The following C1orf21 variants were observed in gnomAD, a reference collection of about 807,000 sequenced individuals.
C1orf21 encodes chromosome 1 open reading frame 21.
In C1orf21, 3 loss-of-function variants were observed where a neutral mutation model predicts 18.7. The ratio of observed to expected loss-of-function variants is 0.16; its 90% CI spans 0.07 to 0.42. C1orf21 has a LOEUF of 0.42. C1orf21 is among the 10% of genes least tolerant of loss of function. The pLI is 0.99. For missense variants in C1orf21, 104 were observed against 143.6 expected, an observed-to-expected ratio of 0.72 and a Z score of 1.41; for synonymous variants, 41 against 46.4, an observed-to-expected ratio of 0.88 and a Z score of 0.47.
chr1:184,402,618 A>C (rs1325604669), intron 1 of C1orf21, among the ~76,000 whole-genome samples: 1 of 146,346 alleles, frequency 6.8e-6, no homozygotes, highest in East Asian at 2.0e-4. Context: ...CCCTGTCTCA[A>C]AAAAAAAAAA....
At chr1:184,459,855 C>CA (rs1657274705) in intron 1 of C1orf21, among the ~76,000 whole-genome samples, 1 of 152,150 alleles carries the variant, frequency 6.6e-6, no homozygotes, top group African/African-American at 2.4e-5. Context: ...GCAGACCTAG[C>CA]AGGGAGGGCA....
intron 3 of C1orf21, among the ~76,000 whole-genome samples, chr1:184,581,429 C>CA (rs35666369): frequency 0.22 from 28,733 of 129,400 alleles, 2,914 homozygotes; most frequent in East Asian, 0.33. Context: ...GACCCTGTCT[C>CA]AAAAAAAAAA....
intron 1 of C1orf21, among the ~76,000 whole-genome samples, chr1:184,453,263 C>T (rs1657150112): frequency 6.6e-6 from 1 of 152,152 alleles, no homozygotes; most frequent in African/African-American, 2.4e-5. Context: ...GCTGACTTTG[C>T]CTTCAGATAT....
chr1:184,481,806 G>A (rs1022850097), intron 2 of C1orf21, among the ~76,000 whole-genome samples: 2 of 152,166 alleles, frequency 1.3e-5, no homozygotes, highest in Admixed American at 1.3e-4. Flanking sequence ...CCAATCAAGG[G>A]AGATACTTTT....
chr1:184,555,930 T>G (rs185839326), intron 3 of C1orf21, among the ~76,000 whole-genome samples: 3 of 152,210 alleles, frequency 2.0e-5, no homozygotes, highest in Non-Finnish European at 4.4e-5. Flanking sequence ...GAGATCTCAC[T>G]GTAGCCACAG....
chr1:184,566,673 G>A, intron 3 of C1orf21: 1 of 391,186 alleles, frequency 2.6e-6, no homozygotes, highest in Middle Eastern at 4.0e-4. Context: ...TTTCACCCAT[G>A]TGGTAGCCAA....
intron 2 of C1orf21, among the ~76,000 whole-genome samples, chr1:184,505,338 T>TATATATATATAC (rs1180194816): frequency 7.5e-6 from 1 of 133,654 alleles, no homozygotes; most frequent in African/African-American, 3.2e-5. Flanking sequence ...TATATATATA[T>TATATATATATAC]ATACACACAT....
intron 3 of C1orf21, chr1:184,566,878 A>T: frequency 2.0e-6 from 1 of 495,964 alleles, no homozygotes; most frequent in Non-Finnish European, 4.1e-6. Context: ...CAACAGCTGC[A>T]CCCAAATCTG....
chr1:184,536,324 G>C (rs555550701), intron 3 of C1orf21, among the ~76,000 whole-genome samples: 3 of 152,198 alleles, frequency 2.0e-5, no homozygotes, highest in Non-Finnish European at 4.4e-5. Flanking sequence ...TTGCTATCTT[G>C]TTGCTCCACT....
At chr1:184,511,340 T>C (rs1233339511) in intron 3 of C1orf21, among the ~76,000 whole-genome samples, 1 of 152,146 alleles carries the variant, frequency 6.6e-6, no homozygotes, top group Non-Finnish European at 1.5e-5. Context: ...TAAACCCCCC[T>C]TGGGAACCCG....
intron 3 of C1orf21, among the ~76,000 whole-genome samples, chr1:184,519,972 T>C (rs1397817140): frequency 6.6e-6 from 1 of 152,200 alleles, no homozygotes; most frequent in Non-Finnish European, 1.5e-5. Context: ...AAATAAATAA[T>C]GAGGCATAAA....
chr1:184,395,277 G>A (rs1656034534), intron 1 of C1orf21, among the ~76,000 whole-genome samples: 1 of 152,070 alleles, frequency 6.6e-6, no homozygotes, highest in Non-Finnish European at 1.5e-5. Flanking sequence ...AGTAGTTATT[G>A]ATTGATTGAC....
chr1:184,558,757 C>T (rs561519324), intron 3 of C1orf21, among the ~76,000 whole-genome samples: 48 of 152,176 alleles, frequency 3.2e-4, no homozygotes, highest in Non-Finnish European at 5.9e-4. Flanking sequence ...GTAGCAATAG[C>T]AATAATAGCA....
chr1:184,533,669 G>A (rs1202025542), intron 3 of C1orf21, among the ~76,000 whole-genome samples: 4 of 152,136 alleles, frequency 2.6e-5, no homozygotes, highest in Non-Finnish European at 5.9e-5. Flanking sequence ...GAAGTGACTA[G>A]TTCTGTATAC....
At chr1:184,432,953 A>G (rs1409777561) in intron 1 of C1orf21, among the ~76,000 whole-genome samples, 2 of 152,240 alleles carry the variant, frequency 1.3e-5, no homozygotes, top group Non-Finnish European at 2.9e-5. Flanking sequence ...CCTCAGTCAC[A>G]TAATTTTTGA....
chr1:184,418,722 C>T (rs918673195), intron 1 of C1orf21, among the ~76,000 whole-genome samples: 4 of 152,112 alleles, frequency 2.6e-5, no homozygotes, highest in African/African-American at 9.7e-5. Context: ...TGTCAATATC[C>T]TCAGGCACTA....
intron 1 of C1orf21, among the ~76,000 whole-genome samples, chr1:184,468,972 T>A (rs1198092683): frequency 6.6e-6 from 1 of 151,936 alleles, no homozygotes; most frequent in Non-Finnish European, 1.5e-5. Context: ...TGGTGGCTCA[T>A]GCCTGTAGTC....
chr1:184,419,906 G>T (rs1378574440), intron 1 of C1orf21, among the ~76,000 whole-genome samples: 1 of 152,162 alleles, frequency 6.6e-6, no homozygotes, highest in Non-Finnish European at 1.5e-5. Context: ...GCCACTGAGG[G>T]CTTTGGTTTT....
intron 3 of C1orf21, among the ~76,000 whole-genome samples, chr1:184,563,050 A>T (rs548362637): frequency 6.6e-6 from 1 of 152,308 alleles, no homozygotes; most frequent in South Asian, 2.1e-4. Context: ...ATTAACAAGT[A>T]CTTAGGTCAT....
Sources: allele counts gnomAD v4.1 joint callset (sites outside exome capture counted in the v4.1 genomes callset), GRCh38; gene constraint gnomAD v4.1.1; transcripts MANE v1.5; gene names NCBI Gene and HGNC (gene_info 2026-07-23, HGNC 2026-07-21).